RASGRF1: variants seen among roughly 807,000 people sequenced by gnomAD.
RASGRF1 encodes the protein Ras protein specific guanine nucleotide releasing factor 1, also known as ras-specific guanine nucleotide-releasing factor 1.
RASGRF1 carries 40 observed loss-of-function variants against 138.7 expected under a neutral mutation model. The observed-to-expected ratio is 0.29, with a 90% confidence interval of 0.22 to 0.38. The LOEUF (loss-of-function observed/expected upper bound fraction) is 0.38, where lower values mean the gene tolerates loss of function less well. RASGRF1 is among the 10% of genes least tolerant of loss of function. The probability of loss-of-function intolerance (pLI) is 1.00; values close to 1 mark genes in which losing one functional copy is unlikely to be tolerated. For synonymous variants in RASGRF1, 614 were observed against 663.2 expected (o/e 0.93, Z 1.14); for missense variants, 1,108 against 1,650.4 (o/e 0.67, Z 5.69).
chr15:78,989,798 G>A (rs937402585), intron 22 of RASGRF1, among the ~76,000 whole-genome samples: 28 of 152,298 alleles, frequency 1.8e-4, no homozygotes, highest in African/African-American at 5.8e-4. Context: ...AGCATAGCAA[G>A]GTCTTCATTC....
At chr15:78,988,153 T>A (rs2056200043) in intron 22 of RASGRF1, among the ~76,000 whole-genome samples, 1 of 152,222 alleles carries the variant, frequency 6.6e-6, no homozygotes, top group African/African-American at 2.4e-5. Flanking sequence ...CTCTGCTGTG[T>A]AATGTTGGGG....
At chr15:78,963,817 G>A (rs2055592284) in intron 26 of RASGRF1, among the ~76,000 whole-genome samples, 1 of 152,130 alleles carries the variant, frequency 6.6e-6, no homozygotes, top group Admixed American at 6.5e-5. Flanking sequence ...TCACAGTCTG[G>A]TTTAACCTAC....
At chr15:78,965,759 G>A (rs1293925243) in intron 26 of RASGRF1, among the ~76,000 whole-genome samples, 1 of 152,208 alleles carries the variant, frequency 6.6e-6, no homozygotes, top group South Asian at 2.1e-4. Context: ...GCTGAGGCTG[G>A]ATAATCACTT....
At chr15:78,992,511 C>T (rs2056292720) in intron 20 of RASGRF1, among the ~76,000 whole-genome samples, 2 of 152,138 alleles carry the variant, frequency 1.3e-5, no homozygotes, top group Non-Finnish European at 2.9e-5. Flanking sequence ...ACAAAGGCCT[C>T]GTGGAAGGTC....
At chr15:79,064,739 G>A (rs1444650143) in intron 1 of RASGRF1, 2 of 544,700 alleles carry the variant, frequency 3.7e-6, no homozygotes, top group Non-Finnish European at 6.5e-6. Flanking sequence ...CTATGCTTAG[G>A]ATATTGTAAG....
At chr15:79,023,033 G>C (rs1489254128) in intron 10 of RASGRF1, among the ~76,000 whole-genome samples, 4 of 152,150 alleles carry the variant, frequency 2.6e-5, no homozygotes, top group Non-Finnish European at 4.4e-5. Flanking sequence ...AATTAGCCGG[G>C]CATGGTGGTG....
At chr15:79,069,816 C>T (rs1012191570) in intron 1 of RASGRF1, among the ~76,000 whole-genome samples, 2 of 152,166 alleles carry the variant, frequency 1.3e-5, no homozygotes, top group South Asian at 2.1e-4. Context: ...CCACTGCCAA[C>T]GTTTCATTAT....
chr15:79,087,076 G>A (rs556126753), intron 1 of RASGRF1, among the ~76,000 whole-genome samples: 36 of 152,346 alleles, frequency 2.4e-4, no homozygotes, highest in African/African-American at 7.0e-4. Context: ...CCTGGACACT[G>A]AGGCTGCAGC....
chr15:78,983,088 G>A (rs570939197), intron 23 of RASGRF1, among the ~76,000 whole-genome samples: 16 of 152,170 alleles, frequency 1.1e-4, no homozygotes, highest in Non-Finnish European at 1.9e-4. Context: ...TCTAAGAAAC[G>A]TGGCCATTTT....
chr15:78,980,723 C>G, intron 23 of RASGRF1, 24 bp from the exon 24 acceptor site: 1 of 1,550,234 alleles, frequency 6.5e-7, no homozygotes, highest in Admixed American at 1.7e-5. Flanking sequence ...GAAGCATTTA[C>G]TAACACACAG....
At chr15:78,990,306 G>C (rs761473659) in intron 21 of RASGRF1, 33 bp from the exon 22 acceptor site, 12 of 1,460,692 alleles carry the variant, frequency 8.2e-6, no homozygotes, top group African/African-American at 1.4e-5. Context: ...CAGGTGGAGG[G>C]GGTGAGGTTT....
chr15:78,971,923 A>G lies in RASGRF1; in HGVS notation c.3624T>C (p.Ile1208=). The G allele has an allele frequency of 1.3e-6, 2 of 1,581,870 alleles. No homozygotes were observed. The highest frequency in any genetic ancestry group is 1.7e-6 in the Non-Finnish European group (2 of 1,150,608). ...NFSKMRMISH[I]IREIRQFQQT... is the part of the protein sequence containing the mutation. The stretch of plus-strand genomic sequence containing the variant: ...GTTGAAACTGGCGAATCTCTCGGAT[A>G]ATATGGGATATCTGTGGGAAGGAAG... Residue 1208 remains isoleucine (I), a synonymous_variant, in exon 26 of 27, where the codon ATT becomes ATC. Coordinates refer to ENST00000558480, the MANE Select transcript of RASGRF1 (RefSeq NM_001145648.3).
At chr15:79,067,827 G>A (rs1196753303) in intron 1 of RASGRF1, among the ~76,000 whole-genome samples, 1 of 152,048 alleles carries the variant, frequency 6.6e-6, no homozygotes, top group East Asian at 1.9e-4. Context: ...GGTGGGAGAG[G>A]GAGAAGCCTA....
At chr15:79,035,078 TGG>T in intron 6 of RASGRF1, 51 bp downstream of exon 6, 1 of 1,470,930 alleles carries the variant, frequency 6.8e-7, no homozygotes, top group Non-Finnish European at 9.3e-7. Flanking sequence ...GCTTTTGGGG[TGG>T]CCCCTGGAGG....
chr15:79,053,198 G>C (rs939277522), intron 3 of RASGRF1, among the ~76,000 whole-genome samples: 3 of 152,156 alleles, frequency 2.0e-5, no homozygotes, highest in African/African-American at 7.2e-5. Context: ...CTGGGAGGCA[G>C]AGGTTGCAGT....
chr15:79,011,655 C>A (rs551593356), intron 13 of RASGRF1, among the ~76,000 whole-genome samples: 2 of 152,310 alleles, frequency 1.3e-5, no homozygotes, highest in East Asian at 3.9e-4. Flanking sequence ...GTGCCATTGG[C>A]CCAAGTGCTT....
rs2056107370 is a variant in RASGRF1 at position 78,984,619 on chromosome 15, A to G, written c.3414+388T>C. On this transcript the variant is annotated intron_variant, in intron 23 of 26. Transcript: ENST00000558480. ...GATCATCTGACGGAAGTGTCCTCTG[A>G]CGGAAGGGTCCTCCGATGGAAGGGT... 1.1e-5 allele frequency: 3 copies of G among 275,838 alleles called. No homozygotes were observed. In the South Asian group the frequency reaches 1.3e-4, roughly 12 times the overall value. 17.1% of individuals were successfully genotyped at this position (275,838 alleles called of 1,614,324 possible). A position where few individuals can be genotyped will look rare whatever the true frequency, so the allele number is the denominator to read the frequency against.
intron 5 of RASGRF1, among the ~76,000 whole-genome samples, chr15:79,036,020 C>T (rs979018404): frequency 6.6e-6 from 1 of 152,212 alleles, no homozygotes; most frequent in African/African-American, 2.4e-5. Context: ...TTTGCCCGGC[C>T]TTCCCCCCAA....
chr15:79,000,186 T>C (rs1028191205), intron 16 of RASGRF1, among the ~76,000 whole-genome samples: 1 of 152,192 alleles, frequency 6.6e-6, no homozygotes, highest in Non-Finnish European at 1.5e-5. Flanking sequence ...CCCGTCCATC[T>C]TTCTGCAGCT....
Sources: allele counts gnomAD v4.1 joint callset (sites outside exome capture counted in the v4.1 genomes callset), GRCh38; gene constraint gnomAD v4.1.1; transcripts MANE v1.5; gene names NCBI Gene and HGNC (gene_info 2026-07-23, HGNC 2026-07-21).